Variants in ZNF761 observed in about 807,000 individuals in gnomAD.
ZNF761 encodes zinc finger protein 761.
ZNF761 carries 43 observed loss-of-function variants against 59.9 expected under a neutral mutation model. That is an observed-to-expected ratio of 0.72 (90% confidence interval 0.56 to 0.92). The LOEUF (loss-of-function observed/expected upper bound fraction) is 0.92, where lower values mean the gene tolerates loss of function less well. Among genes scored for constraint, ZNF761 ranks in the 40% least tolerant of loss-of-function variants. The probability of loss-of-function intolerance (pLI) is 0.00; values close to 1 mark genes in which losing one functional copy is unlikely to be tolerated. For missense variants in ZNF761, 850 were observed against 906.1 expected, an observed-to-expected ratio of 0.94 and a Z score of 0.79; for synonymous variants, 294 against 304.8, an observed-to-expected ratio of 0.96 and a Z score of 0.37.
chr19:53,437,264 G>A (rs1195973963), intron 1 of ZNF761, among the ~76,000 whole-genome samples: 4 of 151,436 alleles, frequency 2.6e-5, no homozygotes, highest in African/African-American at 9.7e-5. Flanking sequence ...GTTGCAGTGA[G>A]CCAAGATCGC....
intron 1 of ZNF761, among the ~76,000 whole-genome samples, chr19:53,435,669 A>C: frequency 6.6e-6 from 1 of 152,078 alleles, no homozygotes; most frequent in East Asian, 1.9e-4. Flanking sequence ...GTAGAGTCTT[A>C]GTTATCCTGT....
At chr19:53,438,468 A>G (rs1028606998) in intron 1 of ZNF761, among the ~76,000 whole-genome samples, 1 of 152,250 alleles carries the variant, frequency 6.6e-6, no homozygotes, top group African/African-American at 2.4e-5. Context: ...TCATGAACAT[A>G]TAGAAAGACT....
chr19:53,449,891 T>C (rs1258204243), intron 4 of ZNF761: 3 of 778,842 alleles, frequency 3.9e-6, no homozygotes, highest in Non-Finnish European at 5.8e-6. Context: ...AGGGTCTTGC[T>C]GTGTTGTTGA....
Position 53,457,194 on chromosome 19 carries a change from A to G in ZNF761, c.*446A>G. Reference sequence around the variant, plus strand: ...TTGTCACAAAGTCTTCAGTAATGCTACAACCATTGTGAATCACTGGAGAAT... The same window carrying G: ...TTGTCACAAAGTCTTCAGTAATGCTGCAACCATTGTGAATCACTGGAGAAT... On this transcript the variant is annotated 3_prime_UTR_variant, in exon 5 of 5. Transcript: ENST00000684525. 2.0e-6 allele frequency: 1 copy of G among 502,192 alleles called. No homozygotes were observed. Among genetic ancestry groups the G allele is most frequent in the Admixed American group, 2.3e-5 (1 of 44,226 alleles). 31.1% of individuals were successfully genotyped at this position (502,192 alleles called of 1,614,324 possible).
In ZNF761 at chr19:53,457,002, T is replaced by C. The variant is rs879188581; in HGVS notation, c.*254T>C. The C allele has an allele frequency of 1.3e-5, 9 of 689,058 alleles. No homozygotes were observed. The South Asian group carries it at 1.5e-4, about 11-fold the overall frequency. 42.7% of individuals were successfully genotyped at this position (689,058 alleles called of 1,614,324 possible). A position where few individuals can be genotyped will look rare whatever the true frequency, so the allele number is the denominator to read the frequency against. ...GAGAAACCATAAAAATGTAAGAGTT[T>C]GTGACAAGGCTTTTGGGCATGATTC... On this transcript the variant is annotated 3_prime_UTR_variant, in exon 5 of 5. Transcript: ENST00000684525.
Position 53,455,466 on chromosome 19 carries a change from A to C in ZNF761, c.959A>C (p.His320Pro). The C allele has an allele frequency of 6.2e-7, 1 of 1,614,012 alleles. No homozygotes were observed. Among genetic ancestry groups the C allele is most frequent in the South Asian group, 1.1e-5 (1 of 91,068 alleles). Reference protein sequence around the residue: ...KSILERHRIIHTEEKPYKCNE... With the variant: ...KSILERHRIIPTEEKPYKCNE... Reference sequence around the variant, plus strand: ...ATACTTGAAAGACATAGGATAATTCATACTGAAGAGAAACCATATAAGTGT... The same window carrying C: ...ATACTTGAAAGACATAGGATAATTCCTACTGAAGAGAAACCATATAAGTGT... The change falls in exon 5 of 5, where the codon CAT (histidine) becomes CCT (proline). Residue 320 changes from histidine to proline, a missense_variant. Transcript: ENST00000684525.
chr19:53,442,496 G>A (rs1439524912), intron 1 of ZNF761: 112 of 733,796 alleles, frequency 1.5e-4, no homozygotes, highest in Non-Finnish European at 4.5e-5. Context: ...CAGTAGCCAA[G>A]CTGGAAAAGA....
chr19:53,454,660 C>T lies in ZNF761; in HGVS notation c.153C>T (p.Ser51=). Residue 51 remains serine, a synonymous_variant, in exon 5 of 5, where the codon TCC becomes TCT. Transcript: ENST00000684525. ...YRNLVSLDIS[S]KCTMKEFLST... ...GTTTATGTTTTGTAGATATCTCTTC[C>T]AAATGCACGATGAAGGAGTTCTTGT... 6.3e-7 allele frequency: 1 copy of T among 1,593,168 alleles called. No individual in the cohort carries two copies. Among genetic ancestry groups the T allele is most frequent in the Non-Finnish European group, 8.6e-7 (1 of 1,169,130 alleles).
intron 4 of ZNF761, among the ~76,000 whole-genome samples, chr19:53,453,427 G>A (rs1344119420): frequency 1.3e-5 from 2 of 152,094 alleles, no homozygotes; most frequent in African/African-American, 4.8e-5. Context: ...TTTTCTTAAT[G>A]GAATTGTTTA....
chr19:53,451,454 C>T (rs1422553811), intron 4 of ZNF761, among the ~76,000 whole-genome samples: 2 of 152,198 alleles, frequency 1.3e-5, no homozygotes, highest in Non-Finnish European at 2.9e-5. Flanking sequence ...ACTGATCCAC[C>T]AACCTCGGCC....
intron 4 of ZNF761, among the ~76,000 whole-genome samples, chr19:53,453,978 C>T (rs1490344936): frequency 6.8e-6 from 1 of 146,770 alleles, no homozygotes; most frequent in Non-Finnish European, 1.5e-5. Context: ...ATTGTATTAA[C>T]TTTTTTTTTT....
chr19:53,445,438 G>A (rs1600090548), intron 1 of ZNF761, among the ~76,000 whole-genome samples: 2 of 152,166 alleles, frequency 1.3e-5, no homozygotes, highest in African/African-American at 4.8e-5. Flanking sequence ...AAGAATTCAG[G>A]CACACCTTCT....
In ZNF761 at chr19:53,449,505, A is replaced by G; in HGVS notation, c.16-7A>G. ...AACCATTTGGTTAAAATGTGTTTTC[A>G]TTTCAGGGTCTATTGACATTCAGGG... On this transcript the variant is annotated splice_polypyrimidine_tract_variant and splice_region_variant and intron_variant, in intron 3 of 4. Transcript: ENST00000684525. 1 of 1,613,926 alleles carries G rather than the reference A, an allele frequency of 6.2e-7. No individual in the cohort carries two copies. The highest frequency in any genetic ancestry group is 8.5e-7 in the Non-Finnish European group (1 of 1,180,000).
intron 1 of ZNF761, chr19:53,442,854 A>G: frequency 2.3e-6 from 1 of 438,474 alleles, no homozygotes; most frequent in East Asian, 4.4e-5. Flanking sequence ...AGCCCAATGC[A>G]TAATGTCTTT....
chr19:53,438,797 GCTTT>G (rs1175355622), intron 1 of ZNF761, among the ~76,000 whole-genome samples: 1 of 152,136 alleles, frequency 6.6e-6, no homozygotes, highest in Non-Finnish European at 1.5e-5. Flanking sequence ...GAAAATTTGG[GCTTT>G]CTTTTTTGAT....
intron 1 of ZNF761, among the ~76,000 whole-genome samples, chr19:53,440,651 G>C (rs1310518630): frequency 6.6e-6 from 1 of 151,590 alleles, no homozygotes; most frequent in Non-Finnish European, 1.5e-5. Context: ...ATCTATTTCT[G>C]TTATTACATA....
At chr19:53,441,748 G>T in intron 1 of ZNF761, 1 of 763,876 alleles carries the variant, frequency 1.3e-6, no homozygotes, top group South Asian at 1.5e-5. Context: ...ATGCCCGGCT[G>T]AGATAAATCT....
At position 53,457,178 on chromosome 19, in the gene ZNF761, A is replaced by C. The variant is rs1407960873; in HGVS notation, c.*430A>C. ...TTTACTAAGGTAATGATTGTCACAAAGTCTTCAGTAATGCTACAACCATTG... is the reference window on the plus strand; with the variant it reads ...TTTACTAAGGTAATGATTGTCACAACGTCTTCAGTAATGCTACAACCATTG... On this transcript the variant is annotated 3_prime_UTR_variant, in exon 5 of 5. Coordinates refer to ENST00000684525, the MANE Select transcript of ZNF761 (RefSeq NM_001289951.2). 5.9e-6 allele frequency: 3 copies of C among 508,770 alleles called. No individual in the cohort carries two copies. The highest frequency in any genetic ancestry group is 5.9e-5 in the African/African-American group (3 of 51,270). 31.5% of individuals were successfully genotyped at this position (508,770 alleles called of 1,614,324 possible).
rs746245195 is a variant in ZNF761 at position 53,456,384 on chromosome 19, G to A, written c.1877G>A (p.Arg626Lys). The change falls in exon 5 of 5, where the codon AGA (arginine) becomes AAA (lysine). Residue 626 changes from arginine to lysine, a missense_variant. Coordinates refer to ENST00000684525, the MANE Select transcript of ZNF761 (RefSeq NM_001289951.2). ...SRTSSLTCHR[R>K]LHTGEKPYKC... ...ACGTCATCCCTTACATGCCATCGTA[G>A]ACTTCATACCGGAGAGAAACCTTAC... 9.3e-6 allele frequency: 15 copies of A among 1,613,916 alleles called. No homozygotes were observed. The highest frequency in any genetic ancestry group is 6.7e-5 in the East Asian group (3 of 44,868).
Sources: allele counts gnomAD v4.1 joint callset (sites outside exome capture counted in the v4.1 genomes callset), GRCh38; gene constraint gnomAD v4.1.1; transcripts MANE v1.5; gene names NCBI Gene and HGNC (gene_info 2026-07-23, HGNC 2026-07-21).